Variants in CCDC30 observed in about 807,000 individuals in gnomAD.
CCDC30 encodes coiled-coil domain-containing protein 30.
A neutral mutation model predicts 100.2 loss-of-function variants in CCDC30; 70 were observed. The ratio of observed to expected loss-of-function variants is 0.70; its 90% CI spans 0.58 to 0.85. CCDC30 has a LOEUF of 0.85. Ranked by LOEUF, CCDC30 falls within the 40% of genes least tolerant of loss-of-function variation. The probability of loss-of-function intolerance (pLI) is 0.00; values close to 1 mark genes in which losing one functional copy is unlikely to be tolerated. For synonymous variants in CCDC30, 233 were observed against 269.5 expected (o/e 0.86, Z 1.33); for missense variants, 652 against 771.2 (o/e 0.85, Z 1.83).
At chr1:42,619,677 C>T (rs1002062034) in intron 11 of CCDC30, among the ~76,000 whole-genome samples, 20 of 152,066 alleles carry the variant, frequency 1.3e-4, no homozygotes, top group African/African-American at 3.4e-4. Context: ...TAGTCAATAT[C>T]GCTTTCACAC....
At chr1:42,536,330 G>A (rs952589935) in intron 6 of CCDC30, 146 bp from the exon 7 acceptor site, 4 of 500,332 alleles carry the variant, frequency 8.0e-6, no homozygotes, top group Non-Finnish European at 1.4e-5. Flanking sequence ...AGAGAAAAAT[G>A]TATCTTATGA....
At chr1:42,472,192 A>G (rs566269127) in intron 1 of CCDC30, among the ~76,000 whole-genome samples, 53 of 152,180 alleles carry the variant, frequency 3.5e-4, no homozygotes, top group African/African-American at 1.2e-3. Flanking sequence ...AGGCAGAGGT[A>G]CAGTGAGCTG....
At chr1:42,478,830 GC>G (rs1643913303) in intron 1 of CCDC30, among the ~76,000 whole-genome samples, 1 of 151,944 alleles carries the variant, frequency 6.6e-6, no homozygotes, top group Non-Finnish European at 1.5e-5. Context: ...ATAAAATATA[GC>G]CTGTAACATT....
In CCDC30 at chr1:42,596,173, G is replaced by A. The variant is rs1646283737; in HGVS notation, c.1164+6690G>A. ...AACCTTCATGAGGACCAGTGCCCAGGTATGGAAACCTGAACTGTAAATGAT... is the reference window on the plus strand; with the variant it reads ...AACCTTCATGAGGACCAGTGCCCAGATATGGAAACCTGAACTGTAAATGAT... On this transcript the variant is annotated intron_variant, in intron 10 of 16. Coordinates refer to ENST00000668663, the Ensembl canonical transcript of CCDC30. The surrounding 1 kb of genome is among the most constrained non-coding windows in gnomAD (Gnocchi z 4.3). Among the ~76,000 whole-genome samples, 1 of 152,156 alleles carries A rather than the reference G, an allele frequency of 6.6e-6. No homozygotes were observed.
intron 1 of CCDC30, among the ~76,000 whole-genome samples, chr1:42,468,062 C>A (rs1469665117): frequency 6.6e-6 from 1 of 152,190 alleles, no homozygotes; most frequent in African/African-American, 2.4e-5. Context: ...TATCCAATTC[C>A]TGTGTAGCCA....
At chr1:42,555,628 C>A (rs1326689182) in intron 6 of CCDC30, among the ~76,000 whole-genome samples, 3 of 152,154 alleles carry the variant, frequency 2.0e-5, no homozygotes, top group African/African-American at 7.2e-5. Flanking sequence ...TAAATGAAAA[C>A]CTGTGATGGG....
chr1:42,517,866 C>T (rs557007809), intron 6 of CCDC30, among the ~76,000 whole-genome samples: 3 of 152,320 alleles, frequency 2.0e-5, no homozygotes, highest in East Asian at 3.9e-4. Context: ...CTGTTTTGAA[C>T]ACTGCAGCTT....
intron 2 of CCDC30, among the ~76,000 whole-genome samples, 162 bp downstream of exon 2, chr1:42,480,728 G>A (rs557231000): frequency 1.3e-5 from 2 of 152,330 alleles, no homozygotes; most frequent in African/African-American, 4.8e-5. Context: ...AAAAAACTGA[G>A]TGAGGTAAAA....
chr1:42,626,884 A>G (rs1646943426), intron 11 of CCDC30, among the ~76,000 whole-genome samples: 1 of 152,166 alleles, frequency 6.6e-6, no homozygotes, highest in Non-Finnish European at 1.5e-5. Context: ...TCCCAGTTTC[A>G]GGTATATATC....
At chr1:42,615,312 T>C (rs1412311504) in intron 11 of CCDC30, among the ~76,000 whole-genome samples, 3 of 152,218 alleles carry the variant, frequency 2.0e-5, no homozygotes, top group African/African-American at 7.2e-5. Flanking sequence ...TGTTTGTTTT[T>C]TGAGACAGGA....
chr1:42,469,807 G>GTC (rs1643708153), intron 1 of CCDC30, among the ~76,000 whole-genome samples: 2 of 152,180 alleles, frequency 1.3e-5, no homozygotes, highest in African/African-American at 4.8e-5. Flanking sequence ...GGGAGACAAG[G>GTC]TCATTTGCCA....
At chr1:42,516,172 A>C (rs1007726518) in intron 6 of CCDC30, among the ~76,000 whole-genome samples, 2 of 152,166 alleles carry the variant, frequency 1.3e-5, no homozygotes, top group Non-Finnish European at 2.9e-5. Context: ...ACCGTGTAGA[A>C]TCATACTAAT....
rs527784280 is a variant in CCDC30, at chr1:42,552,244, G to T, written c.457-14052G>T. On this transcript the variant is annotated intron_variant, in intron 6 of 16. Transcript: ENST00000668663. ...AGCCCATTAATAAAAATGTAAAATG[G>T]CATTAGCCCAGAATTGTATCCTGGA... Among the ~76,000 whole-genome samples, 686 of 152,168 alleles carry T rather than the reference G, an allele frequency of 4.5e-3. 6 individuals are homozygous for T. Among genetic ancestry groups the T allele is most frequent in the African/African-American group, 0.013 (532 of 41,514 alleles).
intron 6 of CCDC30, among the ~76,000 whole-genome samples, chr1:42,499,426 T>C (rs1644274468): frequency 6.6e-6 from 1 of 152,168 alleles, no homozygotes; most frequent in Non-Finnish European, 1.5e-5. Context: ...AAATCTTTTA[T>C]ACATTTTTAA....
chr1:42,527,266 A>G (rs1381086722), intron 6 of CCDC30, among the ~76,000 whole-genome samples: 9 of 152,142 alleles, frequency 5.9e-5, no homozygotes, highest in Non-Finnish European at 1.3e-4. Context: ...CACTGTGACA[A>G]TCTACTAGGA....
At chr1:42,477,673 T>C (rs1306943895) in intron 1 of CCDC30, among the ~76,000 whole-genome samples, 1 of 152,188 alleles carries the variant, frequency 6.6e-6, no homozygotes, top group Non-Finnish European at 1.5e-5. Flanking sequence ...ATTCTTCAAA[T>C]TAGACTTGAT....
At position 42,561,350 on chromosome 1, in the gene CCDC30, A is replaced by G. The variant is rs542374768; in HGVS notation, c.457-4946A>G. ...CCATCACATAAACGGAACCAAAGAC[A>G]AAAACACATGGTTATCTCAATAGAT... On this transcript the variant is annotated intron_variant, in intron 6 of 16. Transcript: ENST00000668663. 2.0e-5 allele frequency among the ~76,000 whole-genome samples: 3 copies of G among 152,362 alleles called. No individual in the cohort carries two copies. In the East Asian group the frequency reaches 5.8e-4, roughly 29 times the overall value.
intron 10 of CCDC30, chr1:42,592,207 G>A (rs569837246): frequency 6.6e-6 from 1 of 152,184 alleles, no homozygotes; most frequent in Non-Finnish European, 1.5e-5. Context: ...TGTAGTGTGA[G>A]AAAGACATGC....
At chr1:42,645,319 T>C (rs1368446599) in intron 14 of CCDC30, among the ~76,000 whole-genome samples, 2 of 152,042 alleles carry the variant, frequency 1.3e-5, no homozygotes, top group Non-Finnish European at 2.9e-5. Context: ...TGAAGTTTGC[T>C]ATGGCAAAGA....
Sources: allele counts gnomAD v4.1 joint callset (sites outside exome capture counted in the v4.1 genomes callset), GRCh38; gene constraint gnomAD v4.1.1; non-coding constraint Gnocchi (gnomAD v3.1); transcripts MANE v1.5; gene names NCBI Gene and HGNC (gene_info 2026-07-23, HGNC 2026-07-21).